PAM: variants seen among roughly 807,000 people sequenced by gnomAD.
The protein encoded by PAM is peptidyl-glycine alpha-amidating monooxygenase.
Under a neutral mutation model 122.1 loss-of-function variants are expected in PAM, and 72 were observed. The ratio of observed to expected loss-of-function variants is 0.59; its 90% CI spans 0.49 to 0.72. PAM has a LOEUF of 0.72. Among genes scored for constraint, PAM ranks in the 30% least tolerant of loss-of-function variants. The pLI, the probability that PAM is intolerant of heterozygous loss-of-function variation, is 0.00. For missense variants in PAM, 1,106 were observed against 1,183.7 expected (o/e 0.93, Z 0.96); for synonymous variants, 389 against 404.4 (o/e 0.96, Z 0.46).
intron 1 of PAM, among the ~76,000 whole-genome samples, chr5:102,830,879 T>A (rs1399540908): frequency 9.8e-6 from 1 of 101,938 alleles, no homozygotes; most frequent in Non-Finnish European, 2.1e-5. Context: ...ACTCTGTATT[T>A]TGGATGTTTT....
chr5:102,785,976 T>G (rs568741885), intron 1 of PAM, among the ~76,000 whole-genome samples: 1 of 152,330 alleles, frequency 6.6e-6, no homozygotes, highest in African/African-American at 2.4e-5. Flanking sequence ...CTATAATCTC[T>G]TACATTGGAT....
chr5:102,944,696 A>G (rs1756478057), intron 7 of PAM, among the ~76,000 whole-genome samples: 1 of 152,130 alleles, frequency 6.6e-6, no homozygotes, highest in South Asian at 2.1e-4. Flanking sequence ...GGACCCTGAA[A>G]CATTATCAAC....
At position 103,029,002 on chromosome 5, in the gene PAM, T is replaced by A; in HGVS notation, c.2859T>A (p.Asp953Glu). The A allele has an allele frequency of 6.2e-7, 1 of 1,613,898 alleles. No homozygotes were observed. ...GCAGTGACCAAGAGAAAGAGGATGA[T>A]GGAAGTGAATCAGAAGAGGAGTATT... ...TEGSDQEKED[D>E]GSESEEEYSA... The change falls in exon 26 of 26, where the codon GAT becomes GAA. Residue 953 changes from aspartate to glutamate, a missense_variant. By Grantham distance (45) the Asp-to-Glu change is conservative. Transcript: ENST00000438793.
chr5:102,766,523 A>T (rs972726021), intron 1 of PAM, among the ~76,000 whole-genome samples: 1 of 152,212 alleles, frequency 6.6e-6, no homozygotes, highest in Non-Finnish European at 1.5e-5. Flanking sequence ...GGCTGTAAAT[A>T]CAGATGAAGC....
intron 19 of PAM, 82 bp from the exon 20 acceptor site, chr5:103,007,375 C>A: frequency 8.9e-7 from 1 of 1,128,878 alleles, no homozygotes; most frequent in Non-Finnish European, 1.3e-6. Flanking sequence ...GGTTTACTAT[C>A]ATGAATTTAG....
intron 12 of PAM, 100 bp downstream of exon 12, chr5:102,950,920 C>T: frequency 1.4e-6 from 1 of 735,260 alleles, no homozygotes; most frequent in Non-Finnish European, 2.3e-6. Context: ...CATTTTTTGT[C>T]CTGTCATGGA....
intron 1 of PAM, among the ~76,000 whole-genome samples, chr5:102,800,270 G>A (rs954717886): frequency 3.3e-5 from 5 of 152,042 alleles, no homozygotes; most frequent in Admixed American, 1.3e-4. Context: ...TGAGACTGAG[G>A]TTTCTCTCTG....
At chr5:102,953,689 TAAGAG>T (rs771252331) in intron 12 of PAM, among the ~76,000 whole-genome samples, 2 of 152,036 alleles carry the variant, frequency 1.3e-5, no homozygotes, top group African/African-American at 4.8e-5. Flanking sequence ...TCAAAATAAT[TAAGAG>T]AGGAATGTCA....
At chr5:102,794,501 C>A (rs1762856423) in intron 1 of PAM, among the ~76,000 whole-genome samples, 1 of 151,990 alleles carries the variant, frequency 6.6e-6, no homozygotes, top group South Asian at 2.1e-4. Context: ...TTAGCAGATT[C>A]TTCCTATTCT....
chr5:102,839,180 A>G (rs1024448087), intron 1 of PAM, among the ~76,000 whole-genome samples: 2 of 152,168 alleles, frequency 1.3e-5, no homozygotes, highest in African/African-American at 2.4e-5. Context: ...TCTCTATCAA[A>G]ACAAGCTCCA....
At position 102,842,226 on chromosome 5, in the gene PAM, A is replaced by C. The variant is rs866624336; in HGVS notation, c.-373-23597A>C. Among the ~76,000 whole-genome samples the C allele has an allele frequency of 2.4e-4, 36 of 151,438 alleles. 1 individual carries two copies. In the Middle Eastern group the frequency reaches 0.011, roughly 44 times the overall value. Reference sequence around the variant, plus strand: ...CCTAAATATATATATATATATATATATCTCCACATATGTGTAAATGCATAG... The same window carrying C: ...CCTAAATATATATATATATATATATCTCTCCACATATGTGTAAATGCATAG... On this transcript the variant is annotated intron_variant, in intron 1 of 25. Transcript: ENST00000438793.
chr5:102,858,079 T>A (rs1318425004), intron 1 of PAM, among the ~76,000 whole-genome samples: 1 of 152,184 alleles, frequency 6.6e-6, no homozygotes, highest in Admixed American at 6.5e-5. Context: ...GTCATAAGAA[T>A]TCAGCAAGAT....
chr5:102,759,726 A>C (rs1751770113), intron 1 of PAM, among the ~76,000 whole-genome samples: 1 of 152,202 alleles, frequency 6.6e-6, no homozygotes, highest in Admixed American at 6.5e-5. Flanking sequence ...CTAAAGGCAT[A>C]AACCTTAAAC....
At chr5:102,908,224 T>C (rs1166690110) in intron 4 of PAM, among the ~76,000 whole-genome samples, 2 of 152,204 alleles carry the variant, frequency 1.3e-5, no homozygotes, top group South Asian at 2.1e-4. Flanking sequence ...ATTTATTAAA[T>C]AGGGAGTCCT....
At chr5:102,786,893 C>T (rs2149943670) in intron 1 of PAM, among the ~76,000 whole-genome samples, 1 of 152,120 alleles carries the variant, frequency 6.6e-6, no homozygotes. Context: ...AATAAGATAA[C>T]TACCAAGCAA....
intron 8 of PAM, among the ~76,000 whole-genome samples, chr5:102,947,310 G>A (rs1375448668): frequency 1.3e-5 from 2 of 152,062 alleles, no homozygotes. Flanking sequence ...AGGAAGAGAG[G>A]GCATGCATGC....
At chr5:103,011,230 A>G (rs1160207396) in intron 21 of PAM, among the ~76,000 whole-genome samples, 1 of 152,182 alleles carries the variant, frequency 6.6e-6, no homozygotes, top group Non-Finnish European at 1.5e-5. Context: ...ATCTATACTC[A>G]AGCCATGTGG....
chr5:102,966,724 A>G (rs1295495390), intron 14 of PAM, among the ~76,000 whole-genome samples: 1 of 152,126 alleles, frequency 6.6e-6, no homozygotes, highest in Non-Finnish European at 1.5e-5. Context: ...GTTATGTTCC[A>G]TGGCTCTAAT....
chr5:102,853,038 C>T (rs1449534745), intron 1 of PAM, among the ~76,000 whole-genome samples: 1 of 152,190 alleles, frequency 6.6e-6, no homozygotes, highest in Non-Finnish European at 1.5e-5. Flanking sequence ...CATCCAGCCA[C>T]TTTTGGAATA....
Sources: allele counts gnomAD v4.1 joint callset (sites outside exome capture counted in the v4.1 genomes callset), GRCh38; gene constraint gnomAD v4.1.1; transcripts MANE v1.5; gene names NCBI Gene and HGNC (gene_info 2026-07-23, HGNC 2026-07-21).